GLIPR2: variants seen among roughly 807,000 people sequenced by gnomAD.
GLIPR2 encodes GLI pathogenesis related 2.
Under a neutral mutation model 20.4 loss-of-function variants are expected in GLIPR2, and 21 were observed. The observed-to-expected ratio is 1.03, with a 90% confidence interval of 0.73 to 1.48. The LOEUF (loss-of-function observed/expected upper bound fraction) is 1.48. GLIPR2 is among the 40% of genes most tolerant of loss of function. The pLI, the probability that GLIPR2 is intolerant of heterozygous loss-of-function variation, is 0.00. For synonymous variants in GLIPR2, 91 were observed against 80.5 expected, an observed-to-expected ratio of 1.13 and a Z score of -0.70; for missense variants, 205 against 200.1, an observed-to-expected ratio of 1.02 and a Z score of -0.15.
chr9:36,144,174 C>T (rs1218234677), intron 1 of GLIPR2: 2 of 152,190 alleles, frequency 1.3e-5, no homozygotes, highest in Non-Finnish European at 2.9e-5. Flanking sequence ...CATCTGGGTC[C>T]CATGAGTTGC....
At position 36,162,785 on chromosome 9, in the gene GLIPR2, T is replaced by TTTAA; in HGVS notation, c.*265_*266insAATT. The TTTAA allele has an allele frequency of 1.9e-6, 1 of 531,610 alleles. No homozygotes were observed. The highest frequency in any genetic ancestry group is 3.4e-6 in the Non-Finnish European group (1 of 293,718). The allele number at this position is 531,610 out of a possible 1,614,324, so 32.9% of individuals were successfully genotyped here. On this transcript the variant is annotated 3_prime_UTR_variant, in exon 5 of 5. Transcript: ENST00000377960. Reference sequence around the variant, plus strand: ...TTGGGGGGAGGGGGGATCCGTTTTTTTTTTTTAATTTTTTGTTATTTCTAA... The same window carrying TTTAA: ...TTGGGGGGAGGGGGGATCCGTTTTTTTTAATTTTTTAATTTTTTGTTATTTCTAA...
chr9:36,136,840 C>A lies in GLIPR2; in HGVS notation c.13+49C>A. On this transcript the variant is annotated intron_variant, in intron 1 of 4. Coordinates refer to ENST00000377960, the MANE Select transcript of GLIPR2 (RefSeq NM_022343.4). This position sits in a 1 kb window ranked among gnomAD's most constrained non-coding sequence, Gnocchi z 4.3. ...GCGGAATGGTTCGGAACCCCGCGCT[C>A]CCGGACCTCGCCGTCTCCCTCGTCC... 7.9e-7 allele frequency: 1 copy of A among 1,263,880 alleles called. No homozygotes were observed. The highest frequency in any genetic ancestry group is 4.2e-5 in the Admixed American group (1 of 23,752). The allele number at this position is 1,263,880 out of a possible 1,614,324, so 78.3% of individuals were successfully genotyped here.
chr9:36,146,875 G>A (rs915303611), intron 1 of GLIPR2, among the ~76,000 whole-genome samples: 1 of 152,194 alleles, frequency 6.6e-6, no homozygotes, highest in Non-Finnish European at 1.5e-5. Flanking sequence ...TTCCCAGGCG[G>A]GCGTTACATG....
rs1390359518 is a variant in GLIPR2 at position 36,148,563 on chromosome 9, G to A, written c.139G>A (p.Ala47Thr). 6.2e-7 allele frequency: 1 copy of A among 1,613,834 alleles called. No homozygotes were observed. Among genetic ancestry groups the A allele is most frequent in the Non-Finnish European group, 8.5e-7 (1 of 1,179,692 alleles). Residue 47 changes from alanine (A) to threonine (T), a missense_variant, in exon 3 of 5, where the codon GCC becomes ACC. By Grantham distance (58) the Ala-to-Thr change is moderately conservative. Transcript: ENST00000377960. ...ACTCTGCAGGTATTCTGAGGCCCTG[G>A]CCAGCACGAGGATCCTCAAGCACAG... ...REAQQYSEAL[A>T]STRILKHSPE...
At chr9:36,152,774 A>G (rs920408034) in intron 4 of GLIPR2, among the ~76,000 whole-genome samples, 3 of 142,330 alleles carry the variant, frequency 2.1e-5, no homozygotes, top group Non-Finnish European at 4.7e-5. Context: ...AAAAAAAAAA[A>G]AGGTGCCTCC....
chr9:36,136,808 G>A lies in GLIPR2; in HGVS notation c.13+17G>A. On this transcript the variant is annotated intron_variant, in intron 1 of 4. Transcript: ENST00000377960. The surrounding 1 kb of genome is among the most constrained non-coding windows in gnomAD (Gnocchi z 4.3). ...GCAAGTCAGGTGAGCCCGCGGGCTC[G>A]CCCGCTGCGGAATGGTTCGGAACCC... is the stretch of plus-strand genomic sequence containing the variant. The A allele has an allele frequency of 1.5e-6, 2 of 1,296,240 alleles. No homozygotes were observed. Among genetic ancestry groups the A allele is most frequent in the South Asian group, 2.4e-5 (1 of 42,196 alleles). 80.3% of individuals were successfully genotyped at this position (1,296,240 alleles called of 1,614,324 possible).
At chr9:36,139,465 G>T (rs1042630775) in intron 1 of GLIPR2, among the ~76,000 whole-genome samples, 1 of 152,130 alleles carries the variant, frequency 6.6e-6, no homozygotes, top group Middle Eastern at 3.2e-3. Flanking sequence ...GTCCCTAAAA[G>T]AAAATGACTT....
intron 2 of GLIPR2, 116 bp from the exon 3 acceptor site, chr9:36,148,431 G>T (rs984918515): frequency 2.5e-5 from 17 of 675,032 alleles, no homozygotes; most frequent in East Asian, 8.1e-5. Context: ...TGCAAGAGTG[G>T]TGCTCCTCTG....
intron 4 of GLIPR2, among the ~76,000 whole-genome samples, chr9:36,157,720 A>T (rs1431060382): frequency 6.6e-6 from 1 of 151,664 alleles, no homozygotes; most frequent in East Asian, 1.9e-4. Context: ...ACACATATAT[A>T]TATACACATA....
chr9:36,148,630 G>T lies in GLIPR2; in HGVS notation c.206G>T (p.Trp69Leu). The T allele has an allele frequency of 6.2e-7, 1 of 1,613,042 alleles. No homozygotes were observed. The highest frequency in any genetic ancestry group is 8.5e-7 in the Non-Finnish European group (1 of 1,179,070). Reference protein sequence around the residue: ...SRGQCGENLAWASYDQTGKEV... With the variant: ...SRGQCGENLALASYDQTGKEV... ...GGCCAGTGTGGGGAGAACCTTGCAT[G>T]GGCATCCTATGATCAGACAGGTGGG... Residue 69 changes from tryptophan (W) to leucine (L), a missense_variant, in exon 3 of 5, where the codon TGG becomes TTG. By Grantham distance (61) the Trp-to-Leu change is moderately conservative. Transcript: ENST00000377960.
At chr9:36,142,555 C>T (rs1825136402) in intron 1 of GLIPR2, among the ~76,000 whole-genome samples, 1 of 152,182 alleles carries the variant, frequency 6.6e-6, no homozygotes, top group African/African-American at 2.4e-5. Context: ...CTTCCTCATT[C>T]CTCAGGGTTG....
chr9:36,156,217 T>A (rs1343974698), intron 4 of GLIPR2, among the ~76,000 whole-genome samples: 1 of 149,230 alleles, frequency 6.7e-6, no homozygotes, highest in Non-Finnish European at 1.5e-5. Context: ...CTCAAAAAAT[T>A]AAAAAATTAA....
rs1304689657 is a variant in GLIPR2, at chr9:36,150,868, A to C, written c.227-4A>C. On this transcript the variant is annotated splice_polypyrimidine_tract_variant and splice_region_variant and intron_variant, in intron 3 of 4. Coordinates refer to ENST00000377960, the MANE Select transcript of GLIPR2 (RefSeq NM_022343.4). The stretch of plus-strand genomic sequence containing the variant: ...AGTTTTAGAACAATGTCATTTCCAC[A>C]CAGGAAAGGAGGTGGCTGATAGATG... 1 of 1,606,686 alleles carries C rather than the reference A, an allele frequency of 6.2e-7. No homozygotes were observed. Among genetic ancestry groups the C allele is most frequent in the South Asian group, 1.1e-5 (1 of 90,778 alleles).
Position 36,148,643 on chromosome 9 carries a change from T to C in GLIPR2, c.219T>C (p.Asp73=). Residue 73 remains aspartate, a synonymous_variant, in exon 3 of 5, where the codon GAT becomes GAC. Transcript: ENST00000377960. The part of the protein sequence containing the change: ...CGENLAWASY[D]QTGKEVADRW... ...AGAACCTTGCATGGGCATCCTATGATCAGACAGGTGGGTCGCATTTTCAGC... is the reference window on the plus strand; with the variant it reads ...AGAACCTTGCATGGGCATCCTATGACCAGACAGGTGGGTCGCATTTTCAGC... The C allele has an allele frequency of 6.2e-7, 1 of 1,610,278 alleles. No individual in the cohort carries two copies.
Position 36,136,856 on chromosome 9 carries a change from TC to T in GLIPR2, c.13+68del. ...CCCCGCGCTCCCGGACCTCGCCGTC[TC>T]CCTCGTCCGCCGCAAGCCAGGTCCT... On this transcript the variant is annotated intron_variant, in intron 1 of 4. Coordinates refer to ENST00000377960, the MANE Select transcript of GLIPR2 (RefSeq NM_022343.4). The surrounding 1 kb of genome is among the most constrained non-coding windows in gnomAD (Gnocchi z 4.3). 2 of 1,255,480 alleles carry T rather than the reference TC, an allele frequency of 1.6e-6. No homozygotes were observed. Among genetic ancestry groups the T allele is most frequent in the South Asian group, 2.9e-5 (1 of 34,278 alleles). The allele number at this position is 1,255,480 out of a possible 1,614,324, so 77.8% of individuals were successfully genotyped here. A position where few individuals can be genotyped will look rare whatever the true frequency, so the allele number is the denominator to read the frequency against.
rs761983713 is a variant in GLIPR2 at position 36,147,820 on chromosome 9, C to G, written c.48C>G (p.Ala16=). Residue 16 remains alanine, a synonymous_variant, in exon 2 of 5, where the codon GCC becomes GCG. Transcript: ENST00000377960. ...AGTTTCATAATGAGGTCCTGAAGGCCCACAATGAGTACCGGCAGAAGCACG... is the reference window on the plus strand; with the variant it reads ...AGTTTCATAATGAGGTCCTGAAGGCGCACAATGAGTACCGGCAGAAGCACG... ...SKQFHNEVLK[A]HNEYRQKHGV... 6.3e-7 allele frequency: 1 copy of G among 1,592,936 alleles called. No individual in the cohort carries two copies. Among genetic ancestry groups the G allele is most frequent in the South Asian group, 1.1e-5 (1 of 90,694 alleles).
intron 4 of GLIPR2, among the ~76,000 whole-genome samples, chr9:36,160,199 T>G (rs192477069): frequency 6.6e-6 from 1 of 152,142 alleles, no homozygotes; most frequent in Admixed American, 6.5e-5. Context: ...AATTTTGTAT[T>G]TTTAGTAGAG....
chr9:36,151,987 A>T (rs1466455016), intron 4 of GLIPR2, among the ~76,000 whole-genome samples: 1 of 152,066 alleles, frequency 6.6e-6, no homozygotes, highest in Non-Finnish European at 1.5e-5. Flanking sequence ...CACCCTCTAG[A>T]GGGGTGCTCC....
chr9:36,156,686 C>T (rs1415857635), intron 4 of GLIPR2, among the ~76,000 whole-genome samples: 1 of 152,166 alleles, frequency 6.6e-6, no homozygotes, highest in East Asian at 1.9e-4. Flanking sequence ...TGCCTGAGCT[C>T]CGCCTCCTGT....
Sources: gnomAD v4.1 joint callset for allele counts (sites outside exome capture counted in the v4.1 genomes callset) on GRCh38, gnomAD v4.1.1 for gene constraint, Gnocchi (gnomAD v3.1) non-coding constraint, MANE v1.5 for transcripts, NCBI Gene and HGNC (gene_info 2026-07-23, HGNC 2026-07-21) for gene names.